CBX1: variants seen among roughly 807,000 people sequenced by gnomAD.
CBX1 encodes the protein chromobox protein homolog 1.
CBX1 carries 10 observed loss-of-function variants against 25.1 expected under a neutral mutation model. The ratio of observed to expected loss-of-function variants is 0.40; its 90% CI spans 0.25 to 0.68. The LOEUF (loss-of-function observed/expected upper bound fraction) is 0.68. CBX1 is among the 30% of genes least tolerant of loss of function. The pLI is 0.40. For missense variants in CBX1, 106 were observed against 218.5 expected, an observed-to-expected ratio of 0.49 and a Z score of 3.25; for synonymous variants, 63 against 79.4, an observed-to-expected ratio of 0.79 and a Z score of 1.10.
chr17:48,097,707 T>G (rs1211175050), intron 1 of CBX1, among the ~76,000 whole-genome samples: 1 of 152,102 alleles, frequency 6.6e-6, no homozygotes, highest in Non-Finnish European at 1.5e-5. Flanking sequence ...ACAGACAAAT[T>G]AGGTTGCCCC....
At position 48,101,435 on chromosome 17, in the gene CBX1, A is replaced by G; in HGVS notation, c.-205T>C. Reference sequence around the variant, plus strand: ...GGCCCCGGCCAACGGCCCTCCCCTCAGCCGAACAAAAGAGCCTCGCAGTCT... The same window carrying G: ...GGCCCCGGCCAACGGCCCTCCCCTCGGCCGAACAAAAGAGCCTCGCAGTCT... On this transcript the variant is annotated 5_prime_UTR_variant, in exon 1 of 5. Transcript: ENST00000225603. The G allele has an allele frequency of 3.0e-6, 3 of 985,498 alleles. No homozygotes were observed. Among genetic ancestry groups the G allele is most frequent in the African/African-American group, 1.7e-5 (1 of 57,344 alleles). The allele number at this position is 985,498 out of a possible 1,614,324, so 61.0% of individuals were successfully genotyped here. A position where few individuals can be genotyped will look rare whatever the true frequency, so the allele number is the denominator to read the frequency against.
chr17:48,092,039 G>A (rs999414734), intron 1 of CBX1, among the ~76,000 whole-genome samples: 1 of 137,832 alleles, frequency 7.3e-6, no homozygotes, highest in African/African-American at 2.8e-5. Flanking sequence ...CACCCAGGCT[G>A]GAATACAATG....
In CBX1 at chr17:48,070,118, A is replaced by C. The variant is rs1363811081; in HGVS notation, c.*1317T>G. 1 of 152,670 alleles carries C rather than the reference A, an allele frequency of 6.6e-6. No homozygotes were observed. Among genetic ancestry groups the C allele is most frequent in the African/African-American group, 2.4e-5 (1 of 41,466 alleles). 9.5% of individuals were successfully genotyped at this position (152,670 alleles called of 1,614,324 possible). On this transcript the variant is annotated 3_prime_UTR_variant, in exon 5 of 5. Transcript: ENST00000225603. ...ACAATGTAGTATGAAGTTTACATTT[A>C]AACAAAGTTTACACAGAAATCTAAC...
intron 1 of CBX1, among the ~76,000 whole-genome samples, chr17:48,089,236 G>C (rs760166358): frequency 5.3e-5 from 8 of 151,358 alleles, no homozygotes; most frequent in Non-Finnish European, 1.0e-4. Flanking sequence ...CAGTAGCTGG[G>C]ACTACATGTG....
chr17:48,076,640 C>T (rs551422140), intron 2 of CBX1, among the ~76,000 whole-genome samples: 73 of 152,264 alleles, frequency 4.8e-4, no homozygotes, highest in African/African-American at 1.6e-3. Context: ...CACTGTACTC[C>T]AGCCTGGGTG....
At chr17:48,100,853 C>A (rs1442185494) in intron 1 of CBX1, 1 of 985,560 alleles carries the variant, frequency 1.0e-6, no homozygotes, top group Non-Finnish European at 1.2e-6. Flanking sequence ...GACCCGGCGT[C>A]TTCCGAATAC....
chr17:48,101,348 GC>G lies in CBX1; in HGVS notation c.-119del. The G allele has an allele frequency of 2.0e-6, 2 of 986,108 alleles. No homozygotes were observed. The highest frequency in any genetic ancestry group is 2.4e-6 in the Non-Finnish European group (2 of 830,122). 61.1% of individuals were successfully genotyped at this position (986,108 alleles called of 1,614,324 possible). On this transcript the variant is annotated 5_prime_UTR_variant, in exon 1 of 5. Coordinates refer to ENST00000225603, the MANE Select transcript of CBX1 (RefSeq NM_001127228.2). ...GCGTCGGGTCGCCTGGGGGAGTGGC[GC>G]CCAGGAAGGCAGCAAGCCGGGTGGC... is the stretch of plus-strand genomic sequence containing the variant.
chr17:48,076,075 C>G lies in CBX1; in HGVS notation c.244G>C (p.Gly82Arg), dbSNP rs751114803. 1 of 1,613,362 alleles carries G rather than the reference C, an allele frequency of 6.2e-7. No individual in the cohort carries two copies. Among genetic ancestry groups the G allele is most frequent in the Non-Finnish European group, 8.5e-7 (1 of 1,179,434 alleles). The change falls in exon 3 of 5, where the codon GGA becomes CGA. Residue 82 changes from glycine (G) to arginine (R), a missense_variant. Around this residue, in one of 4 missense-constraint regions of CBX1, gnomAD observed 71 missense variants for 144.1 expected, o/e 0.49. Coordinates refer to ENST00000225603, the MANE Select transcript of CBX1 (RefSeq NM_001127228.2). ...KTAHETDKSE[G>R]GKRKADSDSE... ...TCAGAATCAGCTTTGCGCTTGCCTC[C>G]CTCTGATTTATCTGTCTCATGTGCT...
chr17:48,097,081 C>T (rs2144473969), intron 1 of CBX1, among the ~76,000 whole-genome samples: 1 of 151,448 alleles, frequency 6.6e-6, no homozygotes, highest in Middle Eastern at 3.4e-3. Context: ...GAAACCCCAT[C>T]TCTACTAAAA....
chr17:48,076,952 T>C lies in CBX1; in HGVS notation c.53A>G (p.Glu18Gly). The C allele has an allele frequency of 6.2e-7, 1 of 1,613,856 alleles. No homozygotes were observed. Among genetic ancestry groups the C allele is most frequent in the Non-Finnish European group, 8.5e-7 (1 of 1,179,876 alleles). ...AACTTTTTCCACCACATATTCCTCT[T>C]CCTCCTCTTCTAGCACCTCCTCCAC... ...KKVEEVLEEE[E>G]EEYVVEKVLD... Residue 18 changes from glutamate to glycine, a missense_variant, in exon 2 of 5, where the codon GAA becomes GGA. Physicochemically the swap from Glu to Gly is moderately conservative, Grantham distance 98 (BLOSUM62 -2). Transcript: ENST00000225603.
Position 48,071,319 on chromosome 17 carries a change from G to A in CBX1, c.*116C>T. The A allele has an allele frequency of 9.5e-7, 1 of 1,047,988 alleles. No individual in the cohort carries two copies. Among genetic ancestry groups the A allele is most frequent in the Non-Finnish European group, 1.4e-6 (1 of 732,324 alleles). 64.9% of individuals were successfully genotyped at this position (1,047,988 alleles called of 1,614,324 possible). Reference sequence around the variant, plus strand: ...TGCTGCAGGGCACAGAAACTATACTGGCTCTTCAAAGGACATCTTCTCAAG... The same window carrying A: ...TGCTGCAGGGCACAGAAACTATACTAGCTCTTCAAAGGACATCTTCTCAAG... On this transcript the variant is annotated 3_prime_UTR_variant, in exon 5 of 5. Transcript: ENST00000225603.
At chr17:48,096,912 G>A (rs2063378408) in intron 1 of CBX1, among the ~76,000 whole-genome samples, 1 of 151,972 alleles carries the variant, frequency 6.6e-6, no homozygotes, top group South Asian at 2.1e-4. Flanking sequence ...GGGCAACATA[G>A]TGAGTCCCTG....
chr17:48,090,788 T>C (rs2063340290), intron 1 of CBX1, among the ~76,000 whole-genome samples: 1 of 152,376 alleles, frequency 6.6e-6, no homozygotes, highest in South Asian at 2.1e-4. Flanking sequence ...GGGTTAACTC[T>C]GTATGAACAT....
intron 1 of CBX1, 71 bp from the exon 2 acceptor site, chr17:48,077,112 A>C: frequency 8.0e-7 from 1 of 1,250,698 alleles, no homozygotes; most frequent in South Asian, 1.5e-5. Flanking sequence ...CTGGATGGTA[A>C]GAAAACCAGG....
intron 4 of CBX1, among the ~76,000 whole-genome samples, chr17:48,072,782 C>CA (rs35841265): frequency 0.24 from 33,791 of 141,014 alleles, 4,045 homozygotes; most frequent in South Asian, 0.34. Flanking sequence ...GACTCTGTCT[C>CA]AAAAAAAAAA....
Position 48,077,445 on chromosome 17 carries a change from GTTT to G in CBX1, c.-37-407_-37-405del, listed in dbSNP as rs796350669. ...GCTAATTTTTGTTGTTTTTTTTTTTGTTTTTTTTGTTTTTTTTTTTTTAGTAGA... is the reference window on the plus strand; with the variant it reads ...GCTAATTTTTGTTGTTTTTTTTTTTGTTTTTGTTTTTTTTTTTTTAGTAGA... On this transcript the variant is annotated intron_variant, in intron 1 of 4. Coordinates refer to ENST00000225603, the MANE Select transcript of CBX1 (RefSeq NM_001127228.2). 6.3e-4 allele frequency among the ~76,000 whole-genome samples: 33 copies of G among 52,398 alleles called. 1 individual carries two copies. The highest frequency in any genetic ancestry group is 2.6e-3 in the East Asian group (1 of 392). The allele number at this position is 52,398 out of a possible 152,430, so 34.4% of individuals were successfully genotyped here.
At chr17:48,079,676 G>A (rs990243815) in intron 1 of CBX1, among the ~76,000 whole-genome samples, 1 of 151,886 alleles carries the variant, frequency 6.6e-6, no homozygotes, top group African/African-American at 2.4e-5. Flanking sequence ...TAAATTTTTA[G>A]TAGAGACAAG....
At chr17:48,090,657 A>C (rs1257196533) in intron 1 of CBX1, among the ~76,000 whole-genome samples, 1 of 152,156 alleles carries the variant, frequency 6.6e-6, no homozygotes, top group African/African-American at 2.4e-5. Flanking sequence ...TTTGAGCTGA[A>C]GGCCCCTGCA....
intron 1 of CBX1, among the ~76,000 whole-genome samples, chr17:48,081,258 A>C (rs2037735556): frequency 6.6e-6 from 1 of 151,688 alleles, no homozygotes; most frequent in African/African-American, 2.4e-5. Flanking sequence ...TCCTTCTGCT[A>C]TGAGCCGAAA....
Sources: gnomAD v4.1 joint callset for allele counts (sites outside exome capture counted in the v4.1 genomes callset) on GRCh38, gnomAD v4.1.1 for gene constraint, gnomAD v4.1.1 regional missense constraint, MANE v1.5 for transcripts, NCBI Gene and HGNC (gene_info 2026-07-23, HGNC 2026-07-21) for gene names.